The following DPP6 variants were observed in gnomAD, a reference collection of about 807,000 sequenced individuals.
DPP6 encodes A-type potassium channel modulatory protein DPP6.
Under a neutral mutation model 122.6 loss-of-function variants are expected in DPP6, and 69 were observed. That is an observed-to-expected ratio of 0.56 (90% CI 0.46 to 0.69). The LOEUF (loss-of-function observed/expected upper bound fraction) is 0.69, where lower values mean the gene tolerates loss of function less well. DPP6 is among the 30% of genes least tolerant of loss of function. The pLI is 0.00. For synonymous variants in DPP6, 418 were observed against 433.1 expected (o/e 0.97, Z 0.43); for missense variants, 928 against 1,116.9 (o/e 0.83, Z 2.41).
At chr7:153,886,111 T>A (rs1188444311), upstream of DPP6, among the ~76,000 whole-genome samples, 1 of 75,522 alleles carries the variant, frequency 1.3e-5, no homozygotes, top group South Asian at 4.1e-4. Context: ...TGGCACGCCC[T>A]TACACACACA....
intron 7 of DPP6, among the ~76,000 whole-genome samples, chr7:154,709,303 T>A (rs1398192630): frequency 6.6e-6 from 1 of 152,204 alleles, no homozygotes; most frequent in African/African-American, 2.4e-5. Flanking sequence ...CTTCTGTGTC[T>A]CAAGTAGCTA....
chr7:154,417,850 C>T (rs1027016907), intron 1 of DPP6, among the ~76,000 whole-genome samples: 10 of 152,218 alleles, frequency 6.6e-5, no homozygotes, highest in East Asian at 3.9e-4. Flanking sequence ...AGTGCAAAAG[C>T]GACCTCTTAT....
chr7:153,967,093 TA>T (rs372253796), intron 1 of DPP6, among the ~76,000 whole-genome samples: 9 of 146,610 alleles, frequency 6.1e-5, no homozygotes, highest in East Asian at 2.0e-4. Context: ...ACACAAAAGA[TA>T]AAAAAAAAAT....
chr7:153,993,540 T>C (rs1797288247), intron 1 of DPP6, among the ~76,000 whole-genome samples: 1 of 152,244 alleles, frequency 6.6e-6, no homozygotes, highest in South Asian at 2.1e-4. Context: ...CACAGCTGGT[T>C]ACTGTTTGAA....
At chr7:154,653,686 A>G (rs1169363827) in intron 6 of DPP6, among the ~76,000 whole-genome samples, 1 of 152,172 alleles carries the variant, frequency 6.6e-6, no homozygotes, top group African/African-American at 2.4e-5. Context: ...ACAGAGTGGC[A>G]CAAGCATCAT....
At chr7:154,311,159 C>T (rs1417570156) in intron 1 of DPP6, among the ~76,000 whole-genome samples, 2 of 152,134 alleles carry the variant, frequency 1.3e-5, no homozygotes, top group African/African-American at 4.8e-5. Context: ...AAGATGTAGG[C>T]TTGGTTACCC....
At chr7:153,987,395 A>G (rs1796902921) in intron 1 of DPP6, among the ~76,000 whole-genome samples, 1 of 152,204 alleles carries the variant, frequency 6.6e-6, no homozygotes, top group African/African-American at 2.4e-5. Context: ...ATTCTAAAGA[A>G]TGCATGGTTT....
Position 154,889,441 on chromosome 7 carries a change from T to C in DPP6, c.2378-16T>C. On this transcript the variant is annotated splice_polypyrimidine_tract_variant and intron_variant, in intron 24 of 25. Transcript: ENST00000377770. ...ACAAATGTCTTCCTCTCTTTTTTTTTTTTTTTTTTGCACAGAAAAAATTCA... is the reference window on the plus strand; with the variant it reads ...ACAAATGTCTTCCTCTCTTTTTTTTCTTTTTTTTTGCACAGAAAAAATTCA... The C allele has an allele frequency of 6.4e-7, 1 of 1,564,016 alleles. No homozygotes were observed.
chr7:154,516,577 A>C (rs918527512), intron 3 of DPP6, among the ~76,000 whole-genome samples: 3 of 152,210 alleles, frequency 2.0e-5, no homozygotes, highest in African/African-American at 7.2e-5. Flanking sequence ...GGGAAGCACA[A>C]TTATAATATT....
chr7:154,492,499 G>A (rs560327274), intron 3 of DPP6, among the ~76,000 whole-genome samples: 1 of 152,316 alleles, frequency 6.6e-6, no homozygotes, highest in African/African-American at 2.4e-5. Context: ...CCTCACCTCT[G>A]CTGGCTTCTG....
intron 13 of DPP6, among the ~76,000 whole-genome samples, chr7:154,802,332 T>C (rs1798420034): frequency 2.0e-5 from 3 of 151,198 alleles, no homozygotes; most frequent in Non-Finnish European, 4.4e-5. Context: ...AGAGCAGCTC[T>C]GATGGAATCA....
the DPP6 span, among the ~76,000 whole-genome samples, chr7:153,867,052 G>T: frequency 2.0e-5 from 3 of 152,172 alleles, no homozygotes; most frequent in African/African-American, 7.2e-5. Context: ...TGTTACTGTA[G>T]CCTTGTAGTA....
At position 154,289,102 on chromosome 7, in the gene DPP6, G is replaced by GA. The variant is rs1805037643; in HGVS notation, c.244-157109dup. 2.0e-5 allele frequency among the ~76,000 whole-genome samples: 3 copies of GA among 152,172 alleles called. No individual in the cohort carries two copies. The South Asian group carries it at 6.2e-4, about 32-fold the overall frequency. On this transcript the variant is annotated intron_variant, in intron 1 of 25. Coordinates refer to ENST00000377770, the MANE Select transcript of DPP6 (RefSeq NM_130797.4). ...ACGATAATACTAAACGGAAGCTGAT[G>GA]AAAGAAAGAGAAAAAAATACCATGA...
At chr7:154,859,371 A>C (rs1043751694) in intron 17 of DPP6, among the ~76,000 whole-genome samples, 1 of 152,240 alleles carries the variant, frequency 6.6e-6, no homozygotes, top group Non-Finnish European at 1.5e-5. Context: ...GTGTGACGCC[A>C]TGACTGGCAG....
intron 1 of DPP6, among the ~76,000 whole-genome samples, chr7:154,183,059 C>G (rs1798173790): frequency 6.6e-6 from 1 of 152,130 alleles, no homozygotes; most frequent in Admixed American, 6.5e-5. Flanking sequence ...TTTCAGAATT[C>G]ACTTCCCGGA....
intron 1 of DPP6, among the ~76,000 whole-genome samples, chr7:154,336,443 C>A (rs373862810): frequency 1.3e-5 from 2 of 152,166 alleles, no homozygotes; most frequent in East Asian, 3.9e-4. Context: ...ACTGGGCAGG[C>A]GGGGTATGGA....
intron 3 of DPP6, among the ~76,000 whole-genome samples, chr7:154,515,623 G>A (rs1396488021): frequency 2.6e-5 from 4 of 151,978 alleles, no homozygotes; most frequent in East Asian, 1.9e-4. Context: ...CTACAGGCAC[G>A]TGCTACCATG....
chr7:154,444,309 A>G lies in DPP6; in HGVS notation c.244-1905A>G, dbSNP rs190167432. 5.6e-3 allele frequency among the ~76,000 whole-genome samples: 856 copies of G among 152,114 alleles called. 6 individuals are homozygous for G. Among genetic ancestry groups the G allele is most frequent in the Non-Finnish European group, 9.1e-3 (618 of 67,988 alleles). ...TGTCTCTACTAAATAGACAAAAAAA[A>G]AAAAAATTAGCCAGGTGTGATTGTG... On this transcript the variant is annotated intron_variant, in intron 1 of 25. Coordinates refer to ENST00000377770, the MANE Select transcript of DPP6 (RefSeq NM_130797.4).
intron 1 of DPP6, among the ~76,000 whole-genome samples, chr7:153,892,294 C>T (rs902227718): frequency 1.3e-5 from 2 of 151,588 alleles, no homozygotes; most frequent in African/African-American, 4.8e-5. Context: ...CATGAGAGCT[C>T]GTGTGGGACA....
Sources: gnomAD v4.1 joint callset for allele counts (sites outside exome capture counted in the v4.1 genomes callset) on GRCh38, gnomAD v4.1.1 for gene constraint, MANE v1.5 for transcripts, NCBI Gene and HGNC (gene_info 2026-07-23, HGNC 2026-07-21) for gene names.